MFF: variants seen among roughly 807,000 people sequenced by gnomAD.
MFF encodes the protein mitochondrial fission factor.
A neutral mutation model predicts 36.9 loss-of-function variants in MFF; 12 were observed. The ratio of observed to expected loss-of-function variants is 0.33; its 90% CI spans 0.21 to 0.53. MFF has a LOEUF of 0.53. Ranked by LOEUF, MFF falls within the 20% of genes least tolerant of loss-of-function variation. MFF has a pLI of 0.95. For synonymous variants in MFF, 99 were observed against 126.2 expected (o/e 0.78, Z 1.44); for missense variants, 348 against 366.6 (o/e 0.95, Z 0.42).
At chr2:227,338,523 G>A (rs2106386872) in intron 4 of MFF, among the ~76,000 whole-genome samples, 1 of 151,278 alleles carries the variant, frequency 6.6e-6, no homozygotes, top group South Asian at 2.1e-4. Context: ...TTACTATAAA[G>A]TTTAATTTTT....
intron 4 of MFF, among the ~76,000 whole-genome samples, chr2:227,336,647 A>G (rs2075028473): frequency 6.6e-6 from 1 of 152,236 alleles, no homozygotes; most frequent in Non-Finnish European, 1.5e-5. Flanking sequence ...AGTTATATCC[A>G]AAGTGTACAG....
At chr2:227,353,098 A>T (rs1319278210) in intron 7 of MFF, among the ~76,000 whole-genome samples, 2 of 152,160 alleles carry the variant, frequency 1.3e-5, no homozygotes, top group Non-Finnish European at 2.9e-5. Context: ...CATTTTTATC[A>T]TCTGTTGATT....
At chr2:227,339,117 A>G (rs2106390960) in intron 4 of MFF, among the ~76,000 whole-genome samples, 1 of 151,402 alleles carries the variant, frequency 6.6e-6, no homozygotes, top group East Asian at 2.0e-4. Context: ...TGGAAGGATC[A>G]CTTGAGCCCA....
chr2:227,345,651 T>C (rs1020525769), intron 5 of MFF, among the ~76,000 whole-genome samples: 2 of 152,174 alleles, frequency 1.3e-5, no homozygotes, highest in African/African-American at 2.4e-5. Context: ...GACTAACATA[T>C]AGTTTTGTTT....
intron 2 of MFF, 67 bp downstream of exon 2, chr2:227,328,856 A>G (rs529227557): frequency 9.4e-5 from 12 of 127,682 alleles, no homozygotes; most frequent in African/African-American, 4.4e-4. Flanking sequence ...CCAAATCCTT[A>G]AAGATCTATG....
chr2:227,354,790 G>A (rs1482866899), intron 7 of MFF, among the ~76,000 whole-genome samples: 1 of 152,180 alleles, frequency 6.6e-6, no homozygotes, highest in African/African-American at 2.4e-5. Flanking sequence ...GGAGCTAAAT[G>A]TAGTGGTAAG....
intron 3 of MFF, 45 bp downstream of exon 3, chr2:227,330,891 T>C: frequency 6.8e-7 from 1 of 1,463,858 alleles, no homozygotes; most frequent in Non-Finnish European, 9.4e-7. Context: ...ATCTTTGTTT[T>C]ATATGTTTCT....
chr2:227,348,219 T>C (rs2075812007), intron 6 of MFF, among the ~76,000 whole-genome samples: 1 of 152,170 alleles, frequency 6.6e-6, no homozygotes, highest in African/African-American at 2.4e-5. Flanking sequence ...AATTAAGCTA[T>C]CCCTTCTAAT....
intron 5 of MFF, among the ~76,000 whole-genome samples, chr2:227,344,611 T>A (rs546211462): frequency 1.1e-4 from 16 of 152,374 alleles, no homozygotes; most frequent in African/African-American, 3.6e-4. Context: ...TGCCTCTAAT[T>A]ACTAATGTAG....
chr2:227,329,916 AC>A lies in MFF; in HGVS notation c.-40-709del, dbSNP rs138163270. 2.3e-3 allele frequency: 981 copies of A among 433,288 alleles called. 12 individuals are homozygous for A. In the African/African-American group the frequency reaches 0.034, roughly 15 times the overall value. The allele number at this position is 433,288 out of a possible 1,614,324, so 26.8% of individuals were successfully genotyped here. The stretch of plus-strand genomic sequence containing the variant: ...TTGTATTGGCGGCAACATTCTTTCT[AC>A]TGCATTAAAAAAAAAAACACATGTA... On this transcript the variant is annotated intron_variant, in intron 2 of 8. Coordinates refer to ENST00000304593, the MANE Select transcript of MFF (RefSeq NM_001277062.2).
intron 4 of MFF, among the ~76,000 whole-genome samples, chr2:227,338,962 G>A (rs2075226782): frequency 6.6e-6 from 1 of 151,346 alleles, no homozygotes; most frequent in Non-Finnish European, 1.5e-5. Context: ...CAACACTTTG[G>A]GAGGCCAAGG....
chr2:227,326,786 T>G (rs554287460), intron 1 of MFF, among the ~76,000 whole-genome samples: 1 of 152,230 alleles, frequency 6.6e-6, no homozygotes, highest in South Asian at 2.1e-4. Context: ...ACTGGAGGGT[T>G]TTTTTTGGTT....
At chr2:227,352,720 T>A in intron 7 of MFF, 147 bp downstream of exon 7, 1 of 687,920 alleles carries the variant, frequency 1.5e-6, no homozygotes, top group Non-Finnish European at 2.6e-6. Context: ...TGCTTCTCTC[T>A]AAGAACAGTG....
chr2:227,354,431 T>C (rs1322069561), intron 7 of MFF, among the ~76,000 whole-genome samples: 1 of 152,196 alleles, frequency 6.6e-6, no homozygotes, highest in Non-Finnish European at 1.5e-5. Context: ...TTAATTTAGT[T>C]TATTTATATT....
chr2:227,355,997 T>C (rs2076236691), intron 8 of MFF, among the ~76,000 whole-genome samples: 1 of 152,196 alleles, frequency 6.6e-6, no homozygotes, highest in Admixed American at 6.5e-5. Flanking sequence ...CAAAGAATCT[T>C]TAGCAAACCA....
chr2:227,329,192 G>A (rs929201355), intron 2 of MFF: 1 of 152,422 alleles, frequency 6.6e-6, no homozygotes, highest in African/African-American at 2.4e-5. Context: ...CGTCAAATAT[G>A]TAGGCTGCCT....
chr2:227,342,529 C>T (rs2075452655), intron 5 of MFF, among the ~76,000 whole-genome samples: 1 of 152,112 alleles, frequency 6.6e-6, no homozygotes, highest in South Asian at 2.1e-4. Context: ...CTTTGCCTGT[C>T]TCCACTTTAT....
chr2:227,346,193 A>G (rs903377838), intron 5 of MFF: 7 of 166,988 alleles, frequency 4.2e-5, no homozygotes, highest in African/African-American at 1.4e-4. Context: ...TCTTTTTTCA[A>G]TTGTTTACCA....
intron 6 of MFF, among the ~76,000 whole-genome samples, chr2:227,349,459 T>A (rs1220694024): frequency 3.3e-5 from 5 of 152,182 alleles, no homozygotes; most frequent in African/African-American, 1.2e-4. Flanking sequence ...GAAGGAATTC[T>A]CTTTTCTCAT....
Sources: gnomAD v4.1 joint callset for allele counts (sites outside exome capture counted in the v4.1 genomes callset) on GRCh38, gnomAD v4.1.1 for gene constraint, MANE v1.5 for transcripts, NCBI Gene and HGNC (gene_info 2026-07-23, HGNC 2026-07-21) for gene names.